Variants in ZDHHC18 observed in about 807,000 individuals in gnomAD.
ZDHHC18 encodes the protein palmitoyltransferase ZDHHC18.
In ZDHHC18, 23 loss-of-function variants were observed where a neutral mutation model predicts 37.5. The observed-to-expected ratio is 0.61, with a 90% CI of 0.44 to 0.87. The LOEUF (loss-of-function observed/expected upper bound fraction) is 0.87, where lower values mean the gene tolerates loss of function less well. ZDHHC18 is among the 40% of genes least tolerant of loss of function. The pLI is 0.00. For missense variants in ZDHHC18, 406 were observed against 525.6 expected (o/e 0.77, Z 2.22); for synonymous variants, 185 against 218.7 (o/e 0.85, Z 1.36).
intron 1 of ZDHHC18, among the ~76,000 whole-genome samples, chr1:26,827,978 C>T (rs1325828062): frequency 6.6e-6 from 1 of 152,278 alleles, no homozygotes; most frequent in Non-Finnish European, 1.5e-5. Flanking sequence ...GCAACAGCTG[C>T]GGTGCCTTGT....
At chr1:26,853,006 G>C (rs895199380) in intron 7 of ZDHHC18, 141 bp downstream of exon 7, 2 of 642,378 alleles carry the variant, frequency 3.1e-6, no homozygotes, top group Non-Finnish European at 5.3e-6. Context: ...GTCATGTGAC[G>C]GAATTCCATG....
intron 2 of ZDHHC18, among the ~76,000 whole-genome samples, chr1:26,845,748 A>G (rs2081660939): frequency 6.6e-6 from 1 of 151,898 alleles, no homozygotes; most frequent in Non-Finnish European, 1.5e-5. Context: ...TTGCTCTTTT[A>G]TGATTAGCCC....
chr1:26,839,184 G>A (rs111463482), intron 2 of ZDHHC18, among the ~76,000 whole-genome samples: 30 of 152,306 alleles, frequency 2.0e-4, no homozygotes, highest in African/African-American at 6.5e-4. Flanking sequence ...CTTGCTTTTC[G>A]TCTCATTTTC....
At chr1:26,830,772 TG>T (rs1476929751) in intron 1 of ZDHHC18, among the ~76,000 whole-genome samples, 3 of 14,816 alleles carry the variant, frequency 2.0e-4, no homozygotes, top group African/African-American at 5.6e-4. Flanking sequence ...TATGTTTGTT[TG>T]TTGTTGTTGT....
At chr1:26,829,291 T>G (rs2081573369) in intron 1 of ZDHHC18, among the ~76,000 whole-genome samples, 3 of 152,156 alleles carry the variant, frequency 2.0e-5, no homozygotes, top group African/African-American at 7.2e-5. Context: ...GGCTCCCAAC[T>G]TCTGCCTTAC....
intron 2 of ZDHHC18, among the ~76,000 whole-genome samples, chr1:26,837,433 A>G (rs535198103): frequency 5.7e-4 from 84 of 147,626 alleles, no homozygotes; most frequent in Non-Finnish European, 9.7e-4. Context: ...TGTATAATAT[A>G]TTTAACATAT....
intron 7 of ZDHHC18, chr1:26,853,272 G>A: frequency 4.1e-6 from 1 of 241,494 alleles, no homozygotes; most frequent in Non-Finnish European, 8.2e-6. Context: ...CCTGACACCA[G>A]GGGGCACCAG....
At chr1:26,844,858 G>A (rs1022285431) in intron 2 of ZDHHC18, among the ~76,000 whole-genome samples, 4 of 150,286 alleles carry the variant, frequency 2.7e-5, no homozygotes, top group Admixed American at 6.6e-5. Flanking sequence ...TCTTTTGTCC[G>A]TATTTGTATT....
At chr1:26,834,051 G>T (rs1479369252) in intron 2 of ZDHHC18, among the ~76,000 whole-genome samples, 1 of 152,136 alleles carries the variant, frequency 6.6e-6, no homozygotes. Context: ...ACTCCTTCAG[G>T]ATCCCACGGT....
chr1:26,837,338 A>C (rs1486718127), intron 2 of ZDHHC18, among the ~76,000 whole-genome samples: 5 of 147,580 alleles, frequency 3.4e-5, no homozygotes, highest in African/African-American at 1.2e-4. Context: ...AATATGTATA[A>C]TATATTTAAC....
intron 2 of ZDHHC18, among the ~76,000 whole-genome samples, chr1:26,846,318 T>A (rs1281636507): frequency 4.2e-4 from 29 of 69,186 alleles, no homozygotes; most frequent in South Asian, 1.8e-3. Context: ...ATATTTTTTT[T>A]TTTTTTTTTT....
intron 2 of ZDHHC18, among the ~76,000 whole-genome samples, chr1:26,847,707 G>A (rs988099152): frequency 6.7e-6 from 1 of 149,036 alleles, no homozygotes; most frequent in African/African-American, 2.5e-5. Context: ...TTTAAGACAG[G>A]TTCTGGCTTT....
chr1:26,827,036 C>T lies in ZDHHC18; in HGVS notation c.232C>T (p.Arg78Cys). Reference protein sequence around the residue: ...RKWEVFPGRNRFYCGGRLMLA... With the variant: ...RKWEVFPGRNCFYCGGRLMLA... ...GTGGGAGGTGTTCCCGGGTCGCAATCGCTTCTACTGCGGCGGCCGCCTCAT... is the reference window on the plus strand; with the variant it reads ...GTGGGAGGTGTTCCCGGGTCGCAATTGCTTCTACTGCGGCGGCCGCCTCAT... Residue 78 changes from arginine (R) to cysteine (C), a missense_variant, in exon 1 of 8, where the codon CGC (arginine) becomes TGC (cysteine). Coordinates refer to ENST00000374142, the MANE Select transcript of ZDHHC18 (RefSeq NM_032283.3). 1 of 1,309,806 alleles carries T rather than the reference C, an allele frequency of 7.6e-7. No homozygotes were observed. 81.1% of individuals were successfully genotyped at this position (1,309,806 alleles called of 1,614,324 possible).
intron 2 of ZDHHC18, among the ~76,000 whole-genome samples, chr1:26,846,899 AT>A (rs35809421): frequency 0.022 from 3,201 of 145,732 alleles, 47 homozygotes; most frequent in Non-Finnish European, 0.034. Flanking sequence ...ATTGTTCCTA[AT>A]TTTTTTTTTT....
rs2081731646 is a variant in ZDHHC18 at position 26,855,904 on chromosome 1, G to A, written c.*2061G>A. The stretch of plus-strand genomic sequence containing the variant: ...CTGTCCGCTGGAGGAAGAGCAGAGA[G>A]GGCTGCGGCTGAGCCCCCATGGGCA... On this transcript the variant is annotated 3_prime_UTR_variant, in exon 8 of 8. Transcript: ENST00000374142. 4.4e-6 allele frequency: 1 copy of A among 229,354 alleles called. No individual in the cohort carries two copies. Among genetic ancestry groups the A allele is most frequent in the African/African-American group, 2.2e-5 (1 of 44,538 alleles). The allele number at this position is 229,354 out of a possible 1,614,324, so 14.2% of individuals were successfully genotyped here.
chr1:26,838,787 C>T (rs1217948377), intron 2 of ZDHHC18, among the ~76,000 whole-genome samples: 1 of 152,268 alleles, frequency 6.6e-6, no homozygotes, highest in Non-Finnish European at 1.5e-5. Flanking sequence ...CTGTCTGACT[C>T]TGCCCTCAGG....
At chr1:26,841,164 A>G (rs1037771742) in intron 2 of ZDHHC18, among the ~76,000 whole-genome samples, 2 of 152,162 alleles carry the variant, frequency 1.3e-5, no homozygotes, top group Non-Finnish European at 2.9e-5. Context: ...TTTAGTAGAA[A>G]TGGGGTTTCA....
At chr1:26,832,643 A>G (rs1439790473) in intron 2 of ZDHHC18, 36 bp downstream of exon 2, 4 of 1,604,582 alleles carry the variant, frequency 2.5e-6, no homozygotes, top group Admixed American at 1.7e-5. Flanking sequence ...CTGGGTCTCC[A>G]TAGCTCCACA....
At chr1:26,840,616 A>G (rs2081634086) in intron 2 of ZDHHC18, among the ~76,000 whole-genome samples, 1 of 151,392 alleles carries the variant, frequency 6.6e-6, no homozygotes, top group Non-Finnish European at 1.5e-5. Context: ...TAATTTTTGT[A>G]TTTTTAGTAG....
Sources: allele counts gnomAD v4.1 joint callset (sites outside exome capture counted in the v4.1 genomes callset), GRCh38; gene constraint gnomAD v4.1.1; transcripts MANE v1.5; gene names NCBI Gene and HGNC (gene_info 2026-07-23, HGNC 2026-07-21).